The following GDI2 variants were observed in gnomAD, a reference collection of about 807,000 sequenced individuals.
GDI2 encodes the protein rab GDP dissociation inhibitor beta.
GDI2 carries 22 observed loss-of-function variants against 54.2 expected under a neutral mutation model. That is an observed-to-expected ratio of 0.41 (90% confidence interval 0.29 to 0.58). The LOEUF (loss-of-function observed/expected upper bound fraction) is 0.58, where lower values mean the gene tolerates loss of function less well. Ranked by LOEUF, GDI2 falls within the 20% of genes least tolerant of loss-of-function variation. The pLI, the probability that GDI2 is intolerant of heterozygous loss-of-function variation, is 0.35. For synonymous variants in GDI2, 177 were observed against 182.1 expected (o/e 0.97, Z 0.23); for missense variants, 422 against 546.0 (o/e 0.77, Z 2.26).
chr10:5,792,314 C>G (rs528436705), intron 4 of GDI2, among the ~76,000 whole-genome samples: 2 of 152,140 alleles, frequency 1.3e-5, no homozygotes. Flanking sequence ...GCATCTCACA[C>G]GATTGCAGTG....
chr10:5,807,036 T>G (rs191155562), intron 1 of GDI2, among the ~76,000 whole-genome samples: 2 of 152,172 alleles, frequency 1.3e-5, no homozygotes, highest in Non-Finnish European at 2.9e-5. Context: ...AAGGCACCAC[T>G]TGGAGCAAAT....
At chr10:5,786,955 A>C (rs915357368) in intron 4 of GDI2, among the ~76,000 whole-genome samples, 1 of 152,200 alleles carries the variant, frequency 6.6e-6, no homozygotes. Context: ...ACAAATTACC[A>C]CTTTATAAAT....
In GDI2 at chr10:5,776,323, C is replaced by A; in HGVS notation, c.720-2382G>T. 1 of 618,522 alleles carries A rather than the reference C, an allele frequency of 1.6e-6. No individual in the cohort carries two copies. The highest frequency in any genetic ancestry group is 1.8e-5 in the South Asian group (1 of 55,942). The allele number at this position is 618,522 out of a possible 1,614,324, so 38.3% of individuals were successfully genotyped here. A position where few individuals can be genotyped will look rare whatever the true frequency, so the allele number is the denominator to read the frequency against. On this transcript the variant is annotated intron_variant, in intron 6 of 10. Coordinates refer to ENST00000380191, the MANE Select transcript of GDI2 (RefSeq NM_001494.4). The surrounding 1 kb of genome is among the most constrained non-coding windows in gnomAD (Gnocchi z 5.3). The stretch of plus-strand genomic sequence containing the variant: ...CAGAACATAGGATGTAGCTGCCCAT[C>A]TCACAAACCCTCTGCTGAGGATGCA...
At chr10:5,799,159 C>T (rs1588985242) in intron 2 of GDI2, among the ~76,000 whole-genome samples, 1 of 151,140 alleles carries the variant, frequency 6.6e-6, no homozygotes, top group Admixed American at 6.6e-5. Context: ...CTGGGCAACA[C>T]AGAGAGACCC....
intron 1 of GDI2, among the ~76,000 whole-genome samples, chr10:5,809,005 G>A (rs1224498595): frequency 6.6e-6 from 1 of 152,120 alleles, no homozygotes; most frequent in Non-Finnish European, 1.5e-5. Context: ...AGCACTTTGG[G>A]AGGCCTAGGC....
chr10:5,789,166 C>T (rs7076064), intron 4 of GDI2, among the ~76,000 whole-genome samples: 4,087 of 151,672 alleles, frequency 0.027, 95 homozygotes, highest in African/African-American at 0.06. Context: ...AGTGCAGTGG[C>T]GCAACCACAG....
In GDI2 at chr10:5,800,720, T is replaced by C. The variant is rs774375845; in HGVS notation, c.46-15A>G. Reference sequence around the variant, plus strand: ...AGGATACATTCCTATAGAAAAAGCATAGTACCTTGAAAAGAAAGTTCTACA... The same window carrying C: ...AGGATACATTCCTATAGAAAAAGCACAGTACCTTGAAAAGAAAGTTCTACA... On this transcript the variant is annotated splice_polypyrimidine_tract_variant and intron_variant, in intron 1 of 10. Coordinates refer to ENST00000380191, the MANE Select transcript of GDI2 (RefSeq NM_001494.4). 14 of 1,271,926 alleles carry C rather than the reference T, an allele frequency of 1.1e-5. No homozygotes were observed. The highest frequency in any genetic ancestry group is 2.9e-5 in the African/African-American group (2 of 68,454). The allele number at this position is 1,271,926 out of a possible 1,614,324, so 78.8% of individuals were successfully genotyped here. A position where few individuals can be genotyped will look rare whatever the true frequency, so the allele number is the denominator to read the frequency against.
At chr10:5,778,066 A>G (rs1344300651) in intron 6 of GDI2, among the ~76,000 whole-genome samples, 4 of 152,208 alleles carry the variant, frequency 2.6e-5, no homozygotes, top group African/African-American at 7.2e-5. Context: ...GTTCTCACTC[A>G]TAAGTGGGAG....
In GDI2 at chr10:5,776,984, G is replaced by A. The variant is rs1170073294; in HGVS notation, c.720-3043C>T. ...CCGGAAATGCTTCATCTGGCAGACT[G>A]TGGGAGAAGAGGCATTGCCAGGACT... On this transcript the variant is annotated intron_variant, in intron 6 of 10. Transcript: ENST00000380191. The surrounding 1 kb of genome is among the most constrained non-coding windows in gnomAD (Gnocchi z 5.3). The A allele has an allele frequency of 7.9e-6, 4 of 503,872 alleles. No homozygotes were observed. Among genetic ancestry groups the A allele is most frequent in the East Asian group, 3.2e-5 (1 of 31,096 alleles). 31.2% of individuals were successfully genotyped at this position (503,872 alleles called of 1,614,324 possible). A position where few individuals can be genotyped will look rare whatever the true frequency, so the allele number is the denominator to read the frequency against.
chr10:5,786,450 A>G (rs1348425686), intron 4 of GDI2, among the ~76,000 whole-genome samples: 1 of 152,000 alleles, frequency 6.6e-6, no homozygotes, highest in East Asian at 1.9e-4. Flanking sequence ...TACAGGCATG[A>G]GCCACCGCGC....
At chr10:5,793,280 C>CCACCA (rs1554789450) in intron 4 of GDI2, among the ~76,000 whole-genome samples, 2 of 152,294 alleles carry the variant, frequency 1.3e-5, no homozygotes, top group East Asian at 1.9e-4. Flanking sequence ...CAAGCGTGAG[C>CCACCA]CACCACACCA....
At chr10:5,797,337 G>A (rs1349517444) in intron 2 of GDI2, among the ~76,000 whole-genome samples, 1 of 152,028 alleles carries the variant, frequency 6.6e-6, no homozygotes, top group Non-Finnish European at 1.5e-5. Context: ...AGGAGGTCAG[G>A]AGTACAAGAA....
intron 6 of GDI2, among the ~76,000 whole-genome samples, chr10:5,779,025 A>G (rs1210229882): frequency 6.6e-6 from 1 of 152,224 alleles, no homozygotes; most frequent in Non-Finnish European, 1.5e-5. Context: ...ACAGAAAAAC[A>G]AACAACAGAA....
In GDI2 at chr10:5,800,642, G is replaced by C; in HGVS notation, c.109C>G (p.Pro37Ala). The change falls in exon 2 of 11, where the codon CCT becomes GCT. Residue 37 changes from proline (P) to alanine (A), a missense_variant. By Grantham distance (27) the Pro-to-Ala change is conservative. Coordinates refer to ENST00000380191, the MANE Select transcript of GDI2 (RefSeq NM_001494.4). ...GATGCACTCTCTCCTCCGTAGTAAG[G>C]GTTTCGATCCATATGAAGAACTTTC... ...GKKVLHMDRN[P>A]YYGGESASIT... 4 of 1,599,458 alleles carry C rather than the reference G, an allele frequency of 2.5e-6. No individual in the cohort carries two copies. Among genetic ancestry groups the C allele is most frequent in the Non-Finnish European group, 3.4e-6 (4 of 1,166,680 alleles).
chr10:5,779,184 C>G (rs1006461009), intron 6 of GDI2, among the ~76,000 whole-genome samples: 9 of 152,072 alleles, frequency 5.9e-5, no homozygotes, highest in African/African-American at 1.9e-4. Flanking sequence ...TAAATGTACT[C>G]AAAACAGTCA....
At chr10:5,812,686 G>A (rs911868106) in intron 1 of GDI2, among the ~76,000 whole-genome samples, 1 of 152,310 alleles carries the variant, frequency 6.6e-6, no homozygotes, top group Non-Finnish European at 1.5e-5. Context: ...AAAAATATAA[G>A]TTAATCAAGC....
chr10:5,793,962 A>C (rs987999532), intron 4 of GDI2, among the ~76,000 whole-genome samples: 2 of 151,574 alleles, frequency 1.3e-5, no homozygotes. Flanking sequence ...TCAGGAGTTC[A>C]AGACCAGCCT....
intron 7 of GDI2, among the ~76,000 whole-genome samples, chr10:5,770,963 CAAA>C (rs59686031): frequency 2.2e-5 from 1 of 46,360 alleles, no homozygotes; most frequent in Admixed American, 2.9e-4. Flanking sequence ...GAGACTGTCT[CAAA>C]AAAAAAAAAA....
intron 6 of GDI2, 29 bp from the exon 7 acceptor site, chr10:5,773,970 AATAT>A (rs1469190348): frequency 2.2e-6 from 2 of 906,910 alleles, no homozygotes; most frequent in East Asian, 4.8e-5. Flanking sequence ...CCCAATTAAT[AATAT>A]ATAGTTGTTT....
Sources: allele counts gnomAD v4.1 joint callset (sites outside exome capture counted in the v4.1 genomes callset), GRCh38; gene constraint gnomAD v4.1.1; non-coding constraint Gnocchi (gnomAD v3.1); transcripts MANE v1.5; gene names NCBI Gene and HGNC (gene_info 2026-07-23, HGNC 2026-07-21).